Variants in KARS1 observed in about 807,000 individuals in gnomAD.
KARS1 encodes the protein lysyl-tRNA synthetase 1, also known as lysine--tRNA ligase.
A neutral mutation model predicts 63.9 loss-of-function variants in KARS1; 50 were observed. That is an observed-to-expected ratio of 0.78 (90% CI 0.62 to 0.99). The LOEUF is 0.99. Among genes scored for constraint, KARS1 ranks in the 50% least tolerant of loss-of-function variants. KARS1 has a pLI of 0.00. For synonymous variants in KARS1, 320 were observed against 264.6 expected, an observed-to-expected ratio of 1.21 and a Z score of -2.03; for missense variants, 816 against 754.5, an observed-to-expected ratio of 1.08 and a Z score of -0.95.
chr16:75,633,886 T>G, intron 7 of KARS1: 5 of 387,258 alleles, frequency 1.3e-5, no homozygotes, highest in South Asian at 1.0e-4. Context: ...AAATCAGATC[T>G]AATCCACGTA....
At chr16:75,634,022 T>G (rs2082137096) in intron 7 of KARS1, 151 bp downstream of exon 7, 2 of 815,584 alleles carry the variant, frequency 2.5e-6, no homozygotes, top group Non-Finnish European at 4.2e-6. Context: ...ATTCTGGAAG[T>G]GTTACTCACA....
In KARS1 at chr16:75,628,617, C is replaced by A. The variant is rs368988143; in HGVS notation, c.1647G>T (p.Met549Ile). 2 of 1,614,024 alleles carry A rather than the reference C, an allele frequency of 1.2e-6. No individual in the cohort carries two copies. Among genetic ancestry groups the A allele is most frequent in the African/African-American group, 1.3e-5 (1 of 74,936 alleles). Residue 549 changes from methionine (M) to isoleucine (I), a missense_variant, in exon 13 of 14, where the codon ATG becomes ATT. Met to Ile is a conservative substitution (Grantham distance 10). Transcript: ENST00000302445. Reference protein sequence around the residue: ...YGLPPTAGWGMGIDRVAMFLT... With the variant: ...YGLPPTAGWGIGIDRVAMFLT... ...GAAACATGGCGACTCGATCAATGCC[C>A]ATGCCCCAGCCAGCTGTGGGGGGCA...
At chr16:75,631,940 T>G in intron 7 of KARS1, 85 bp from the exon 8 acceptor site, 1 of 1,511,014 alleles carries the variant, frequency 6.6e-7, no homozygotes. Flanking sequence ...TAGGCTGGAG[T>G]GCAATGGCAA....
At position 75,636,052 on chromosome 16, in the gene KARS1, G is replaced by A. The variant is rs2082158583; in HGVS notation, c.529C>T (p.Arg177Cys). Residue 177 changes from arginine to cysteine, a missense_variant, in exon 5 of 14, where the codon CGT becomes TGT. Transcript: ENST00000302445. ...EEFIHINNKL[R>C]RGDIIGVQGN... ...TGAACTCCAATTATGTCTCCCCGAC[G>A]CAGTTTGTTATTAATATGAATAAAT... 3 of 1,605,976 alleles carry A rather than the reference G, an allele frequency of 1.9e-6. No homozygotes were observed. The highest frequency in any genetic ancestry group is 1.1e-5 in the South Asian group (1 of 90,898).
At chr16:75,640,376 C>T (rs755530714) in intron 2 of KARS1, 27 bp from the exon 3 acceptor site, 116 of 1,530,340 alleles carry the variant, frequency 7.6e-5, no homozygotes, top group Middle Eastern at 2.0e-4. Context: ...AAAAAAAGCC[C>T]TTCAGAAGTT....
At chr16:75,636,997 A>T (rs2082169907) in intron 3 of KARS1, among the ~76,000 whole-genome samples, 1 of 142,384 alleles carries the variant, frequency 7.0e-6, no homozygotes, top group Admixed American at 7.1e-5. Context: ...ATCTGATTTT[A>T]GCTTGAGGTT....
intron 13 of KARS1, 89 bp from the exon 14 acceptor site, chr16:75,628,082 T>C: frequency 1.2e-6 from 1 of 824,352 alleles, no homozygotes; most frequent in Non-Finnish European, 2.2e-6. Flanking sequence ...CCTCTGTTGT[T>C]ACCACCAAAA....
intron 7 of KARS1, among the ~76,000 whole-genome samples, chr16:75,632,877 G>A (rs564712518): frequency 1.3e-5 from 2 of 152,206 alleles, no homozygotes; most frequent in Admixed American, 6.5e-5. Flanking sequence ...TACGTAGCTT[G>A]TAATAACTGA....
chr16:75,645,267 G>A (rs544521860), intron 1 of KARS1, among the ~76,000 whole-genome samples: 3 of 152,226 alleles, frequency 2.0e-5, no homozygotes, highest in Non-Finnish European at 4.4e-5. Context: ...GTAAGACAAC[G>A]TGAGTAGTGC....
chr16:75,644,419 G>A, intron 1 of KARS1: 1 of 1,611,108 alleles, frequency 6.2e-7, no homozygotes, highest in Non-Finnish European at 8.5e-7. Flanking sequence ...ACAGCAGCTT[G>A]CGTCAACATG....
chr16:75,638,384 G>C (rs543377066), intron 3 of KARS1, among the ~76,000 whole-genome samples: 10 of 151,370 alleles, frequency 6.6e-5, no homozygotes, highest in Non-Finnish European at 1.5e-4. Flanking sequence ...GTCCCTCCCC[G>C]GTCCCCCCGC....
At chr16:75,635,368 G>T (rs11649388) in intron 6 of KARS1, 5 of 344,700 alleles carry the variant, frequency 1.5e-5, no homozygotes, top group Non-Finnish European at 2.8e-5. Context: ...TTTATGGTAC[G>T]TGTGTTTGCC....
At position 75,640,289 on chromosome 16, in the gene KARS1, A is replaced by G; in HGVS notation, c.283T>C (p.Tyr95His). The G allele has an allele frequency of 1.2e-6, 2 of 1,610,248 alleles. No individual in the cohort carries two copies. The highest frequency in any genetic ancestry group is 1.7e-6 in the Non-Finnish European group (2 of 1,179,018). The change falls in exon 3 of 14, where the codon TAC becomes CAC. Residue 95 changes from tyrosine (Y) to histidine (H), a missense_variant. Transcript: ENST00000302445. ...ATGTCTACATGGAACTTGTGTGGGT[A>G]TGGGTCTTCCCCATTGACCTTCAGC... ...HQLKVNGEDP[Y>H]PHKFHVDISL...
intron 5 of KARS1, 32 bp from the exon 6 acceptor site, chr16:75,635,837 G>C: frequency 1.2e-6 from 2 of 1,614,132 alleles, no homozygotes. Flanking sequence ...GAAATCACTG[G>C]TATGTCTGAT....
At position 75,636,445 on chromosome 16, in the gene KARS1, T is replaced by A. The variant is rs944535892; in HGVS notation, c.482+9A>T. 1.3e-6 allele frequency: 2 copies of A among 1,580,400 alleles called. No individual in the cohort carries two copies. Among genetic ancestry groups the A allele is most frequent in the East Asian group, 2.2e-5 (1 of 44,736 alleles). Reference sequence around the variant, plus strand: ...CAAGAAAGGTCTATAACTGGGTATTTCGAGATACCTGGAATTGGCCATGAC... The same window carrying A: ...CAAGAAAGGTCTATAACTGGGTATTACGAGATACCTGGAATTGGCCATGAC... On this transcript the variant is annotated intron_variant, in intron 4 of 13. Transcript: ENST00000302445.
chr16:75,634,230 A>T lies in KARS1; in HGVS notation c.858T>A (p.Tyr286Ter). 1.9e-6 allele frequency: 3 copies of T among 1,614,066 alleles called. No individual in the cohort carries two copies. The highest frequency in any genetic ancestry group is 2.5e-6 in the Non-Finnish European group (3 of 1,179,918). Residue 286 changes from tyrosine to a stop codon, truncating the protein, a stop_gained, in exon 7 of 14, where the codon TAT becomes TAA. Transcript: ENST00000302445. LOFTEE classifies it high-confidence loss of function. ...GGAVAKPFIT[Y>*]HNELDMNLYM... The stretch of plus-strand genomic sequence containing the variant: ...ATAAGTTCATGTCCAGCTCGTTGTG[A>T]TAAGTGATGAAAGGCTTGGCCACGG...
intron 7 of KARS1, among the ~76,000 whole-genome samples, chr16:75,632,689 A>C (rs2082125968): frequency 6.6e-6 from 1 of 152,194 alleles, no homozygotes; most frequent in Non-Finnish European, 1.5e-5. Context: ...AGCCCATTCT[A>C]ATATGACTCA....
In KARS1 at chr16:75,629,421, C is replaced by A. The variant is rs2082085515; in HGVS notation, c.1545G>T (p.Gln515His). Residue 515 changes from glutamine (Q) to histidine (H), a missense_variant, in exon 12 of 14, where the codon CAG becomes CAT. By Grantham distance (24) the Gln-to-His change is conservative. Transcript: ENST00000302445. ...TCACAGTCCCCTTTCTCACCTTGGC[C>A]TGTTCTTCAAAAAGCTGCCGCTGCC... ...PMRQRQLFEE[Q>H]AKAKAAGDDE... The A allele has an allele frequency of 6.2e-7, 1 of 1,613,986 alleles. No homozygotes were observed. The highest frequency in any genetic ancestry group is 8.5e-7 in the Non-Finnish European group (1 of 1,179,910).
rs200574045 is a variant in KARS1 at position 75,630,497 on chromosome 16, C to G, written c.1350G>C (p.Glu450Asp). ...GATTGATGCAAGTCACTTCCAGGAA[C>G]TCCCCAACAAGCTTAATGAGAAAGC... Reference protein sequence around the residue: ...TARLLDKLVGEFLEVTCINPT... With the variant: ...TARLLDKLVGDFLEVTCINPT... The change falls in exon 11 of 14, where the codon GAG (glutamate) becomes GAC (aspartate). Residue 450 changes from glutamate (E) to aspartate (D), a missense_variant. Coordinates refer to ENST00000302445, the MANE Select transcript of KARS1 (RefSeq NM_005548.3). 1.6e-5 allele frequency: 25 copies of G among 1,607,840 alleles called. No homozygotes were observed. Among genetic ancestry groups the G allele is most frequent in the Non-Finnish European group, 2.1e-5 (25 of 1,174,814 alleles).
Sources: allele counts gnomAD v4.1 joint callset (sites outside exome capture counted in the v4.1 genomes callset), GRCh38; gene constraint gnomAD v4.1.1; transcripts MANE v1.5; gene names NCBI Gene and HGNC (gene_info 2026-07-23, HGNC 2026-07-21).